Variants in SPHKAP observed in about 807,000 individuals in gnomAD.
The protein encoded by SPHKAP is A-kinase anchor protein SPHKAP.
Under a neutral mutation model 137.5 loss-of-function variants are expected in SPHKAP, and 67 were observed. The ratio of observed to expected loss-of-function variants is 0.49; its 90% CI spans 0.40 to 0.60. The LOEUF is 0.60. Among genes scored for constraint, SPHKAP ranks in the 20% least tolerant of loss-of-function variants. The pLI is 0.00. For synonymous variants in SPHKAP, 813 were observed against 785.3 expected (o/e 1.04, Z -0.59); for missense variants, 2,097 against 2,069.3 (o/e 1.01, Z -0.26).
intron 5 of SPHKAP, chr2:228,022,269 T>C (rs1559353174): frequency 2.4e-6 from 2 of 833,902 alleles, no homozygotes; most frequent in East Asian, 1.2e-4. Flanking sequence ...AAAGAAGATT[T>C]TTATTTGAGG....
At chr2:228,021,990 C>A in intron 5 of SPHKAP, 24 bp from the exon 6 acceptor site, 3 of 1,551,220 alleles carry the variant, frequency 1.9e-6, no homozygotes, top group Non-Finnish European at 2.6e-6. Flanking sequence ...GAAAAGAAGG[C>A]ATTTATTCAA....
At chr2:228,156,657 C>T (rs10933239) in intron 1 of SPHKAP, among the ~76,000 whole-genome samples, 34,072 of 152,102 alleles carry the variant, frequency 0.22, 4,257 homozygotes, top group East Asian at 0.5. Context: ...AAATCTCATC[C>T]TGAATTGTAG....
chr2:228,150,232 G>C (rs2106397915), intron 1 of SPHKAP, among the ~76,000 whole-genome samples: 1 of 152,132 alleles, frequency 6.6e-6, no homozygotes, highest in Non-Finnish European at 1.5e-5. Context: ...CTAATATTTT[G>C]GTTGGGCAGC....
chr2:228,064,551 G>A (rs763399658), intron 3 of SPHKAP, among the ~76,000 whole-genome samples: 6 of 152,064 alleles, frequency 3.9e-5, no homozygotes, highest in Non-Finnish European at 8.8e-5. Context: ...TTATATTTCT[G>A]GCAGTCTAGC....
At chr2:228,086,473 C>T (rs1474593703) in intron 3 of SPHKAP, among the ~76,000 whole-genome samples, 1 of 152,056 alleles carries the variant, frequency 6.6e-6, no homozygotes, top group East Asian at 1.9e-4. Flanking sequence ...CTTTTAGCTC[C>T]AAATTGAAGA....
At chr2:228,045,601 G>A (rs1250481363) in intron 3 of SPHKAP, among the ~76,000 whole-genome samples, 2 of 152,110 alleles carry the variant, frequency 1.3e-5, no homozygotes, top group East Asian at 3.9e-4. Context: ...ACTGTTGCGG[G>A]ATTGGGGGAG....
At chr2:228,148,294 G>A (rs2106395578) in intron 1 of SPHKAP, among the ~76,000 whole-genome samples, 1 of 152,270 alleles carries the variant, frequency 6.6e-6, no homozygotes, top group Middle Eastern at 3.4e-3. Flanking sequence ...CATGCAAGTA[G>A]AAAACCATCC....
chr2:228,128,811 T>A (rs1224220854), intron 2 of SPHKAP, among the ~76,000 whole-genome samples: 1 of 152,202 alleles, frequency 6.6e-6, no homozygotes, highest in Non-Finnish European at 1.5e-5. Context: ...AGCAGTAATA[T>A]ATTTTGATAG....
At chr2:228,077,173 G>A (rs1030605263) in intron 3 of SPHKAP, among the ~76,000 whole-genome samples, 6 of 152,268 alleles carry the variant, frequency 3.9e-5, no homozygotes, top group South Asian at 2.1e-4. Flanking sequence ...CTGTAGGGGC[G>A]AGGTCCTCAT....
Position 227,995,528 on chromosome 2 carries a change from G to T in SPHKAP, c.4615C>A (p.Leu1539Ile). The change falls in exon 8 of 12, where the codon CTC becomes ATC. Residue 1539 changes from leucine (L) to isoleucine (I), a missense_variant. Coordinates refer to ENST00000392056, the MANE Select transcript of SPHKAP (RefSeq NM_001142644.2). Reference protein sequence around the residue: ...NPDDTSSFLQLSERSMSNGNS... With the variant: ...NPDDTSSFLQISERSMSNGNS... ...AGGTACCTCATGGATCGCTCACTGA[G>T]CTGGAGAAAGCTACTTGTGTCATCT... 6.2e-7 allele frequency: 1 copy of T among 1,614,068 alleles called. No individual in the cohort carries two copies. The highest frequency in any genetic ancestry group is 1.3e-5 in the African/African-American group (1 of 75,026).
chr2:228,030,513 C>CAAAAAA (rs11287311), intron 3 of SPHKAP, among the ~76,000 whole-genome samples: 10 of 48,748 alleles, frequency 2.1e-4, no homozygotes, highest in Admixed American at 7.7e-4. Context: ...GATACCATCT[C>CAAAAAA]AAAAAAAAAA....
chr2:228,127,458 T>C (rs1050017846), intron 2 of SPHKAP, among the ~76,000 whole-genome samples: 2 of 152,234 alleles, frequency 1.3e-5, no homozygotes, highest in African/African-American at 2.4e-5. Context: ...CACAGTGGCA[T>C]ACACAGTTAC....
chr2:228,030,335 G>A (rs1559356793), intron 3 of SPHKAP, among the ~76,000 whole-genome samples: 2 of 151,902 alleles, frequency 1.3e-5, no homozygotes, highest in Non-Finnish European at 2.9e-5. Context: ...CCAACGTGGT[G>A]AAACCCCGTC....
intron 3 of SPHKAP, among the ~76,000 whole-genome samples, chr2:228,077,353 A>G (rs1697218575): frequency 6.6e-6 from 1 of 152,186 alleles, no homozygotes; most frequent in South Asian, 2.1e-4. Flanking sequence ...GAAAAGCCGC[A>G]GACACTCAAT....
rs758922245 is a variant in SPHKAP, at chr2:228,181,585, G to A, written c.14C>T (p.Ser5Phe). MDGN[S>F]LLSVPSNLES... The stretch of plus-strand genomic sequence containing the variant: ...GTCTTACCTTGGTACCGAGAGCAGG[G>A]AGTTGCCATCCATTGTTGGTGGGCG... Residue 5 changes from serine to phenylalanine, a missense_variant, in exon 1 of 12, where the codon TCC becomes TTC. Transcript: ENST00000392056. The surrounding 1 kb of genome is among the most constrained non-coding windows in gnomAD (Gnocchi z 4.3). The A allele has an allele frequency of 6.2e-7, 1 of 1,614,204 alleles. No individual in the cohort carries two copies. The highest frequency in any genetic ancestry group is 8.5e-7 in the Non-Finnish European group (1 of 1,180,024).
chr2:228,174,056 T>C (rs1293128198), intron 1 of SPHKAP, among the ~76,000 whole-genome samples: 1 of 152,212 alleles, frequency 6.6e-6, no homozygotes, highest in Non-Finnish European at 1.5e-5. Flanking sequence ...GAGGCTTTAG[T>C]GTCTGAATTC....
intron 3 of SPHKAP, among the ~76,000 whole-genome samples, chr2:228,095,100 G>A (rs1169649836): frequency 6.6e-6 from 1 of 150,380 alleles, no homozygotes; most frequent in Non-Finnish European, 1.5e-5. Context: ...GGAAAAACGT[G>A]TAGATTCCGT....
chr2:228,058,363 T>G (rs1457892201), intron 3 of SPHKAP, among the ~76,000 whole-genome samples: 1 of 152,242 alleles, frequency 6.6e-6, no homozygotes, highest in Non-Finnish European at 1.5e-5. Context: ...CATTATGCCA[T>G]TATACCTGCA....
At chr2:228,045,774 G>A (rs988137224) in intron 3 of SPHKAP, among the ~76,000 whole-genome samples, 1 of 151,494 alleles carries the variant, frequency 6.6e-6, no homozygotes, top group African/African-American at 2.4e-5. Flanking sequence ...AAAAAAAATA[G>A]AATCTGGAGG....
Sources: allele counts gnomAD v4.1 joint callset (sites outside exome capture counted in the v4.1 genomes callset), GRCh38; gene constraint gnomAD v4.1.1; non-coding constraint Gnocchi (gnomAD v3.1); transcripts MANE v1.5; gene names NCBI Gene and HGNC (gene_info 2026-07-23, HGNC 2026-07-21).